FANCC: variants seen among roughly 807,000 people sequenced by gnomAD.
The protein encoded by FANCC is FA complementation group C.
FANCC carries 55 observed loss-of-function variants against 71.3 expected under a neutral mutation model. The ratio of observed to expected loss-of-function variants is 0.77; its 90% CI spans 0.62 to 0.97. The LOEUF (loss-of-function observed/expected upper bound fraction) is 0.97, where lower values mean the gene tolerates loss of function less well. Ranked by LOEUF, FANCC falls within the 50% of genes least tolerant of loss-of-function variation. The pLI, the probability that FANCC is intolerant of heterozygous loss-of-function variation, is 0.00. For missense variants in FANCC, 678 were observed against 670.9 expected (o/e 1.01, Z -0.12); for synonymous variants, 275 against 244.9 (o/e 1.12, Z -1.15).
At chr9:95,192,564 G>C (rs757341378) in intron 4 of FANCC, among the ~76,000 whole-genome samples, 1 of 152,132 alleles carries the variant, frequency 6.6e-6, no homozygotes, top group Non-Finnish European at 1.5e-5. Context: ...ACAAACTATA[G>C]AACACCATTC....
In FANCC at chr9:95,181,869, G is replaced by T. The variant is rs79849667; in HGVS notation, c.346-9722C>A. Among the ~76,000 whole-genome samples the T allele has an allele frequency of 2.5e-3, 374 of 152,314 alleles. 2 individuals are homozygous for T. Among genetic ancestry groups the T allele is most frequent in the African/African-American group, 8.6e-3 (357 of 41,570 alleles). On this transcript the variant is annotated intron_variant, in intron 4 of 14. Coordinates refer to ENST00000289081, the MANE Select transcript of FANCC (RefSeq NM_000136.3). ...CATGCGAGTGAACTTTCCTAAGAAG[G>T]GGAGTTTTAAATAAAGCAGAGGGAA...
intron 1 of FANCC, among the ~76,000 whole-genome samples, chr9:95,289,309 A>G (rs948910809): frequency 1.3e-5 from 2 of 152,210 alleles, no homozygotes; most frequent in African/African-American, 4.8e-5. Flanking sequence ...TCCTGCCAGT[A>G]ACAGTATATA....
intron 1 of FANCC, among the ~76,000 whole-genome samples, chr9:95,314,211 G>A (rs1835595136): frequency 1.3e-5 from 2 of 152,204 alleles, no homozygotes; most frequent in African/African-American, 4.8e-5. Context: ...TAATCATCAA[G>A]TTCAACAAGG....
At chr9:95,167,800 T>G (rs1825393516) in intron 6 of FANCC, among the ~76,000 whole-genome samples, 3 of 152,244 alleles carry the variant, frequency 2.0e-5, no homozygotes, top group African/African-American at 7.2e-5. Context: ...AGTCAGGTAA[T>G]GCATAGATCT....
chr9:95,249,405 A>G, intron 1 of FANCC, 36 bp from the exon 2 acceptor site: 2 of 1,113,608 alleles, frequency 1.8e-6, no homozygotes, highest in East Asian at 5.0e-5. Context: ...CATTTCTAAA[A>G]GGCTCTTTTA....
At chr9:95,291,318 A>G (rs930517431) in intron 1 of FANCC, among the ~76,000 whole-genome samples, 8 of 152,076 alleles carry the variant, frequency 5.3e-5, no homozygotes, top group Non-Finnish European at 1.0e-4. Flanking sequence ...TACATAGAAA[A>G]CCCTACAAAT....
intron 13 of FANCC, among the ~76,000 whole-genome samples, chr9:95,109,376 G>A (rs534118208): frequency 6.6e-6 from 1 of 152,156 alleles, no homozygotes; most frequent in African/African-American, 2.4e-5. Flanking sequence ...GCCTTTGCAT[G>A]GATCTCTATT....
At chr9:95,156,839 CATT>C (rs1830483205) in intron 6 of FANCC, among the ~76,000 whole-genome samples, 1 of 152,180 alleles carries the variant, frequency 6.6e-6, no homozygotes, top group Non-Finnish European at 1.5e-5. Context: ...TTTTTGCTGT[CATT>C]AATAATAACA....
At chr9:95,110,774 C>T in intron 13 of FANCC, 1 of 1,104,464 alleles carries the variant, frequency 9.1e-7, no homozygotes, top group Non-Finnish European at 1.1e-6. Flanking sequence ...AAGAACCTAG[C>T]AAATCAATGC....
chr9:95,281,817 G>T (rs991910128), intron 1 of FANCC, among the ~76,000 whole-genome samples: 7 of 151,920 alleles, frequency 4.6e-5, no homozygotes, highest in Non-Finnish European at 4.4e-5. Context: ...TTTTCTTTTC[G>T]ATCAAAGTTG....
rs1254146173 is a variant in FANCC at position 95,101,771 on chromosome 9, A to G, written c.1613T>C (p.Ile538Thr). The change falls in exon 15 of 15, where the codon ATT becomes ACT. Residue 538 changes from isoleucine to threonine, a missense_variant. Transcript: ENST00000289081. ...CAGTTTTTCTGATCTAGGGCTTTCAATGCCAAGACGATTCCATCTGTACAA... is the reference window on the plus strand; with the variant it reads ...CAGTTTTTCTGATCTAGGGCTTTCAGTGCCAAGACGATTCCATCTGTACAA... ...QTLYRWNRLGIESPRSEKLAR... is the reference protein window; with the variant it reads ...QTLYRWNRLGTESPRSEKLAR... 1 of 1,614,014 alleles carries G rather than the reference A, an allele frequency of 6.2e-7. No homozygotes were observed. Among genetic ancestry groups the G allele is most frequent in the Non-Finnish European group, 8.5e-7 (1 of 1,180,046 alleles).
intron 7 of FANCC, among the ~76,000 whole-genome samples, chr9:95,148,501 A>G (rs574146093): frequency 1.2e-4 from 19 of 152,366 alleles, no homozygotes; most frequent in African/African-American, 4.6e-4. Context: ...GATAAATTTT[A>G]GCTTTTAAGC....
chr9:95,119,619 C>T (rs2072710922), intron 10 of FANCC, among the ~76,000 whole-genome samples: 1 of 152,152 alleles, frequency 6.6e-6, no homozygotes, highest in African/African-American at 2.4e-5. Flanking sequence ...CCACCTCAGC[C>T]TTGCAAAGTG....
intron 4 of FANCC, 44 bp from the exon 5 acceptor site, chr9:95,172,191 T>C (rs770655428): frequency 7.0e-6 from 9 of 1,285,622 alleles, no homozygotes; most frequent in Middle Eastern, 2.0e-4. Flanking sequence ...TAAAAGTAAA[T>C]GCAAGTGCCT....
At chr9:95,310,599 T>C (rs1034569418) in intron 1 of FANCC, among the ~76,000 whole-genome samples, 3 of 152,210 alleles carry the variant, frequency 2.0e-5, no homozygotes, top group Non-Finnish European at 4.4e-5. Context: ...CAGACTGGAC[T>C]TGCTTGAGCT....
At chr9:95,186,692 C>T (rs1826738564) in intron 4 of FANCC, 1 of 151,918 alleles carries the variant, frequency 6.6e-6, no homozygotes, top group Admixed American at 6.6e-5. Flanking sequence ...TATATAAAGG[C>T]AAAGAAGACT....
intron 4 of FANCC, among the ~76,000 whole-genome samples, chr9:95,199,418 C>T (rs356681): frequency 0.047 from 7,218 of 152,176 alleles, 252 homozygotes; most frequent in South Asian, 0.078. Flanking sequence ...TCACCTCCTA[C>T]ATCCCCTTCC....
intron 6 of FANCC, among the ~76,000 whole-genome samples, chr9:95,151,765 A>G (rs373010945): frequency 6.6e-6 from 1 of 151,976 alleles, no homozygotes; most frequent in Non-Finnish European, 1.5e-5. Flanking sequence ...CCAACTCTAC[A>G]AAAAATACAA....
chr9:95,278,713 C>T (rs1424320314), intron 1 of FANCC, among the ~76,000 whole-genome samples: 1 of 151,792 alleles, frequency 6.6e-6, no homozygotes, highest in East Asian at 1.9e-4. Context: ...GATATAACTC[C>T]ATCATAAGTC....
Sources: allele counts gnomAD v4.1 joint callset (sites outside exome capture counted in the v4.1 genomes callset), GRCh38; gene constraint gnomAD v4.1.1; transcripts MANE v1.5; gene names NCBI Gene and HGNC (gene_info 2026-07-23, HGNC 2026-07-21).